Variants in ZNF528 observed in about 807,000 individuals in gnomAD.
ZNF528 encodes zinc finger protein 528.
ZNF528 carries 9 observed loss-of-function variants against 13.3 expected under a neutral mutation model. The observed-to-expected ratio is 0.67, with a 90% CI of 0.41 to 1.18. The LOEUF (loss-of-function observed/expected upper bound fraction) is 1.18. Ranked by LOEUF, ZNF528 falls within the 50% of genes most tolerant of loss-of-function variation. The pLI, the probability that ZNF528 is intolerant of heterozygous loss-of-function variation, is 0.01. For synonymous variants in ZNF528, 264 were observed against 254.3 expected (o/e 1.04, Z -0.36); for missense variants, 858 against 745.4 (o/e 1.15, Z -1.76).
At chr19:52,410,556 A>G (rs1171637753) in intron 6 of ZNF528, among the ~76,000 whole-genome samples, 2 of 152,178 alleles carry the variant, frequency 1.3e-5, no homozygotes, top group East Asian at 1.9e-4. Flanking sequence ...TTGGTCATAT[A>G]GCCTCCAGTG....
Position 52,415,978 on chromosome 19 carries a change from ACTGGAAGGAAAC to A in ZNF528, c.1129_1140del (p.Gly377_Pro380del). On this transcript the variant is annotated inframe_deletion, in exon 7 of 7. Coordinates refer to ENST00000360465, the MANE Select transcript of ZNF528 (RefSeq NM_032423.3). Reference sequence around the variant, plus strand: ...CCTCATAACCCATCAGTTAATTCACACTGGAAGGAAACCTTACAAATGTAAAGAATGTGACAA... The same window carrying A: ...CCTCATAACCCATCAGTTAATTCACACTTACAAATGTAAAGAATGTGACAA... 1 of 1,614,150 alleles carries A rather than the reference ACTGGAAGGAAAC, an allele frequency of 6.2e-7. No individual in the cohort carries two copies. Among genetic ancestry groups the A allele is most frequent in the South Asian group, 1.1e-5 (1 of 91,070 alleles).
Position 52,416,334 on chromosome 19 carries a change from A to G in ZNF528, c.1482A>G (p.Lys494=). 6.2e-7 allele frequency: 1 copy of G among 1,614,078 alleles called. No homozygotes were observed. Among genetic ancestry groups the G allele is most frequent in the Admixed American group, 1.7e-5 (1 of 60,016 alleles). The part of the protein sequence containing the change: ...HRIHTGEKPY[K]CNRCGKVFSR... The stretch of plus-strand genomic sequence containing the variant: ...TTCATACTGGAGAGAAGCCTTACAA[A>G]TGTAACAGATGTGGCAAGGTCTTCA... The change falls in exon 7 of 7, where the codon AAA becomes AAG. Residue 494 remains lysine (K), a synonymous_variant. Coordinates refer to ENST00000360465, the MANE Select transcript of ZNF528 (RefSeq NM_032423.3).
rs1207370267 is a variant in ZNF528 at position 52,416,957 on chromosome 19, A to G, written c.*218A>G. The G allele has an allele frequency of 3.9e-6, 2 of 517,784 alleles. No individual in the cohort carries two copies. The highest frequency in any genetic ancestry group is 3.0e-5 in the East Asian group (1 of 33,284). 32.1% of individuals were successfully genotyped at this position (517,784 alleles called of 1,614,324 possible). A position where few individuals can be genotyped will look rare whatever the true frequency, so the allele number is the denominator to read the frequency against. On this transcript the variant is annotated 3_prime_UTR_variant, in exon 7 of 7. Transcript: ENST00000360465. ...GGGCTATTATTCAAGGACCATTGCT[A>G]TAGAACACGATAGGATTTACACAAG... is the stretch of plus-strand genomic sequence containing the variant.
chr19:52,416,340 CAG>C lies in ZNF528; in HGVS notation c.1490_1491del (p.Arg497MetfsTer27). Reference sequence around the variant, plus strand: ...CTGGAGAGAAGCCTTACAAATGTAACAGATGTGGCAAGGTCTTCAGTCGCAGT... The same window carrying C: ...CTGGAGAGAAGCCTTACAAATGTAACATGTGGCAAGGTCTTCAGTCGCAGT... ...HTGEKPYKCN[R>X]CGKVFSRSSN... is the part of the protein sequence containing the mutation. On this transcript the variant is annotated frameshift_variant, in exon 7 of 7. Transcript: ENST00000360465. LOFTEE classifies it low-confidence loss of function (END_TRUNC). 6.2e-7 allele frequency: 1 copy of C among 1,613,852 alleles called. No homozygotes were observed. Among genetic ancestry groups the C allele is most frequent in the Non-Finnish European group, 8.5e-7 (1 of 1,179,896 alleles).
At position 52,416,576 on chromosome 19, in the gene ZNF528, AATCTC is replaced by A; in HGVS notation, c.1727_1731del (p.Ser576Ter). The stretch of plus-strand genomic sequence containing the variant: ...CATCTTGCAATCCATACTGAAAAGA[AATCTC>A]ATGAGTGTAAAGAATGTGGCAAGAT... On this transcript the variant is annotated frameshift_variant, in exon 7 of 7. Coordinates refer to ENST00000360465, the MANE Select transcript of ZNF528 (RefSeq NM_032423.3). LOFTEE classifies it low-confidence loss of function (END_TRUNC). 1.9e-6 allele frequency: 3 copies of A among 1,614,194 alleles called. No individual in the cohort carries two copies. Among genetic ancestry groups the A allele is most frequent in the East Asian group, 2.2e-5 (1 of 44,872 alleles).
chr19:52,413,866 C>T, intron 6 of ZNF528: 1 of 225,558 alleles, frequency 4.4e-6, no homozygotes, highest in Non-Finnish European at 9.0e-6. Context: ...TTTTGATGAG[C>T]CTCTTTTAAT....
At chr19:52,399,012 A>G (rs10416546) in intron 2 of ZNF528, among the ~76,000 whole-genome samples, 57 of 152,254 alleles carry the variant, frequency 3.7e-4, no homozygotes, top group African/African-American at 7.2e-4. Flanking sequence ...ACAATGAAAG[A>G]TTGGGCAGAA....
intron 6 of ZNF528, among the ~76,000 whole-genome samples, chr19:52,410,608 A>T (rs540423508): frequency 6.6e-6 from 1 of 152,154 alleles, no homozygotes; most frequent in African/African-American, 2.4e-5. Context: ...TCGGCTCCCT[A>T]CATCTCCCCT....
chr19:52,409,938 C>A (rs2058908811), intron 6 of ZNF528, among the ~76,000 whole-genome samples: 1 of 152,164 alleles, frequency 6.6e-6, no homozygotes, highest in South Asian at 2.1e-4. Context: ...TGGTCTCGAA[C>A]TCCTGACCTC....
chr19:52,401,662 C>T (rs1030702021), intron 2 of ZNF528, 23 bp from the exon 3 acceptor site: 101 of 906,894 alleles, frequency 1.1e-4, no homozygotes, highest in Admixed American at 3.5e-4. Context: ...TGAAGAATTG[C>T]TTTTTTTTTT....
rs566862340 is a variant in ZNF528 at position 52,416,126 on chromosome 19, T to C, written c.1274T>C (p.Ile425Thr). 46 of 1,614,014 alleles carry C rather than the reference T, an allele frequency of 2.9e-5. No individual in the cohort carries two copies. The East Asian group carries it at 8.0e-4, about 28-fold the overall frequency. The change falls in exon 7 of 7, where the codon ATA (isoleucine) becomes ACA (threonine). Residue 425 changes from isoleucine to threonine, a missense_variant. Ile to Thr is a moderately conservative substitution (Grantham distance 89). Coordinates refer to ENST00000360465, the MANE Select transcript of ZNF528 (RefSeq NM_032423.3). ...ATCTTTAGTCAGAAATCAGACCTTA[T>C]ACGACATCGAAAAACTCATACTGAT... ...GKIFSQKSDL[I>T]RHRKTHTDEK...
rs769755162 is a variant in ZNF528 at position 52,415,714 on chromosome 19, CAAAG to C, written c.865_868del (p.Arg289PhefsTer51). 2.8e-5 allele frequency: 45 copies of C among 1,614,160 alleles called. No individual in the cohort carries two copies. The South Asian group carries it at 4.8e-4, about 17-fold the overall frequency. On this transcript the variant is annotated frameshift_variant, in exon 7 of 7. Transcript: ENST00000360465. LOFTEE classifies it low-confidence loss of function (END_TRUNC). ...AAGCAGTTCAAAGCTTGCACAACATCAAAGAATTCATACTGGAGAGAAGCCTTAC... is the reference window on the plus strand; with the variant it reads ...AAGCAGTTCAAAGCTTGCACAACATCAATTCATACTGGAGAGAAGCCTTAC...
chr19:52,409,685 A>G (rs1277114451), intron 6 of ZNF528, among the ~76,000 whole-genome samples: 1 of 151,424 alleles, frequency 6.6e-6, no homozygotes, highest in African/African-American at 2.4e-5. Context: ...TGCTAAAACA[A>G]CTTCTCCCAG....
chr19:52,402,141 C>T, intron 4 of ZNF528, 113 bp downstream of exon 4: 2 of 1,471,220 alleles, frequency 1.4e-6, no homozygotes, highest in South Asian at 2.3e-5. Context: ...TTTGCTTGCA[C>T]TTACCCATGG....
intron 6 of ZNF528, chr19:52,414,459 G>GAT: frequency 1.7e-6 from 1 of 597,532 alleles, no homozygotes; most frequent in South Asian, 2.0e-5. Context: ...GGGTAAAGGA[G>GAT]ATGGTGGCAG....
intron 4 of ZNF528, among the ~76,000 whole-genome samples, chr19:52,405,055 A>C (rs907054176): frequency 6.6e-6 from 1 of 151,806 alleles, no homozygotes; most frequent in Non-Finnish European, 1.5e-5. Context: ...GTCTCTACTA[A>C]AAATACAAAA....
intron 4 of ZNF528, 134 bp downstream of exon 4, chr19:52,402,162 T>A (rs1294518202): frequency 2.4e-6 from 3 of 1,246,868 alleles, no homozygotes; most frequent in Non-Finnish European, 3.4e-6. Context: ...CTTCTTCCAG[T>A]CCCTTCATTT....
chr19:52,417,010 A>G lies in ZNF528; in HGVS notation c.*271A>G, dbSNP rs762139782. 11 of 427,012 alleles carry G rather than the reference A, an allele frequency of 2.6e-5. No individual in the cohort carries two copies. Among genetic ancestry groups the G allele is most frequent in the Non-Finnish European group, 4.2e-5 (10 of 237,464 alleles). 26.5% of individuals were successfully genotyped at this position (427,012 alleles called of 1,614,324 possible). A position where few individuals can be genotyped will look rare whatever the true frequency, so the allele number is the denominator to read the frequency against. On this transcript the variant is annotated 3_prime_UTR_variant, in exon 7 of 7. Transcript: ENST00000360465. ...GTAACTCTGTCTCTGGTTCTCTGATACTAATCTATGATATTGCATGATGCA... is the reference window on the plus strand; with the variant it reads ...GTAACTCTGTCTCTGGTTCTCTGATGCTAATCTATGATATTGCATGATGCA...
intron 6 of ZNF528, chr19:52,413,063 A>C (rs1041294684): frequency 6.6e-6 from 1 of 152,190 alleles, no homozygotes; most frequent in Non-Finnish European, 1.5e-5. Context: ...TGCCTCTTGT[A>C]ATCTCGCAAG....
Sources: allele counts gnomAD v4.1 joint callset (sites outside exome capture counted in the v4.1 genomes callset), GRCh38; gene constraint gnomAD v4.1.1; transcripts MANE v1.5; gene names NCBI Gene and HGNC (gene_info 2026-07-23, HGNC 2026-07-21).